The following MYO19 variants were observed in gnomAD, a reference collection of about 807,000 sequenced individuals.
MYO19 encodes the protein unconventional myosin-XIX.
A neutral mutation model predicts 129.2 loss-of-function variants in MYO19; 132 were observed. That is an observed-to-expected ratio of 1.02 (90% CI 0.89 to 1.18). The LOEUF (loss-of-function observed/expected upper bound fraction) is 1.18, where lower values mean the gene tolerates loss of function less well. Ranked by LOEUF, MYO19 falls within the 50% of genes most tolerant of loss-of-function variation. The pLI is 0.00. For synonymous variants in MYO19, 531 were observed against 477.2 expected, an observed-to-expected ratio of 1.11 and a Z score of -1.47; for missense variants, 1,210 against 1,216.7, an observed-to-expected ratio of 0.99 and a Z score of 0.08.
chr17:36,528,173 G>A lies in MYO19; in HGVS notation c.42C>T (p.Gly14=). ...QVNGHNPGSD[G]QAREYLREDL... is the part of the protein sequence containing the mutation. ...CTTCTCTGAGGTACTCCCTGGCTTG[G>A]CCATCAGACCCCGGATTGTGGCCAT... The change falls in exon 4 of 26, where the codon GGC becomes GGT. Residue 14 remains glycine (G), a synonymous_variant. Coordinates refer to ENST00000614623, the MANE Select transcript of MYO19 (RefSeq NM_001163735.2). 1 of 1,601,528 alleles carries A rather than the reference G, an allele frequency of 6.2e-7. No homozygotes were observed. The highest frequency in any genetic ancestry group is 8.5e-7 in the Non-Finnish European group (1 of 1,173,710).
intron 3 of MYO19, among the ~76,000 whole-genome samples, 195 bp downstream of exon 3, chr17:36,532,332 G>A (rs1214502412): frequency 6.6e-6 from 1 of 152,130 alleles, no homozygotes; most frequent in East Asian, 1.9e-4. Flanking sequence ...CCCAAAGAAA[G>A]GAGCTAAAAA....
chr17:36,512,404 A>AG lies in MYO19; in HGVS notation c.895-950_895-949insC, dbSNP rs1490349964. On this transcript the variant is annotated intron_variant, in intron 11 of 25. Coordinates refer to ENST00000614623, the MANE Select transcript of MYO19 (RefSeq NM_001163735.2). Reference sequence around the variant, plus strand: ...AACTCCATCTCAAAAAAAAAAAAAAAAAAGAAAAAACCACCACCCTCAGAC... The same window carrying AG: ...AACTCCATCTCAAAAAAAAAAAAAAAGAAAGAAAAAACCACCACCCTCAGAC... Among the ~76,000 whole-genome samples the AG allele has an allele frequency of 3.3e-5, 5 of 151,722 alleles. No individual in the cohort carries two copies. The East Asian group carries it at 7.7e-4, about 23-fold the overall frequency.
At chr17:36,512,991 C>G in intron 11 of MYO19, 1 of 784,958 alleles carries the variant, frequency 1.3e-6, no homozygotes, top group African/African-American at 1.8e-5. Flanking sequence ...GGTATCTGAC[C>G]TTGGGCACGT....
In MYO19 at chr17:36,516,221, G is replaced by A. The variant is rs554047878; in HGVS notation, c.415-231C>T. 2.0e-5 allele frequency among the ~76,000 whole-genome samples: 3 copies of A among 151,106 alleles called. No homozygotes were observed. The East Asian group carries it at 5.8e-4, about 29-fold the overall frequency. On this transcript the variant is annotated intron_variant, in intron 6 of 25. Coordinates refer to ENST00000614623, the MANE Select transcript of MYO19 (RefSeq NM_001163735.2). ...GCTCTGTGGCAGACACTGAGCTATC[G>A]AGGCTTTCTGTGTATGTTTTTTTTG...
chr17:36,537,885 T>C, upstream of MYO19: 1 of 1,614,170 alleles, frequency 6.2e-7, no homozygotes, highest in Non-Finnish European at 8.5e-7. Flanking sequence ...AAATAAGTCC[T>C]GGATTATTGC....
In MYO19 at chr17:36,496,068, G is replaced by A; in HGVS notation, c.*183C>T. On this transcript the variant is annotated 3_prime_UTR_variant, in exon 26 of 26. Transcript: ENST00000614623. ...CCTGACACCATCAGTGCTTGATGTA[G>A]CCTGGAACCCCAGGCCCACTGACGC... is the stretch of plus-strand genomic sequence containing the variant. 3.4e-6 allele frequency: 3 copies of A among 890,044 alleles called. No individual in the cohort carries two copies. The highest frequency in any genetic ancestry group is 5.0e-6 in the Non-Finnish European group (3 of 595,142). The allele number at this position is 890,044 out of a possible 1,614,324, so 55.1% of individuals were successfully genotyped here.
chr17:36,534,599 G>A (rs1254702503), intron 1 of MYO19, 162 bp downstream of exon 1: 3 of 152,376 alleles, frequency 2.0e-5, no homozygotes, highest in Non-Finnish European at 4.4e-5. Context: ...CCCCTCGTGA[G>A]ACACAAGAGG....
intron 14 of MYO19, chr17:36,508,661 C>T (rs571471702): frequency 2.9e-4 from 57 of 193,962 alleles, no homozygotes; most frequent in African/African-American, 1.3e-3. Flanking sequence ...CAACTCCTGG[C>T]CTCCAGTGAT....
At chr17:36,512,934 T>C in intron 11 of MYO19, 1 of 850,436 alleles carries the variant, frequency 1.2e-6, no homozygotes, top group Non-Finnish European at 1.6e-6. Context: ...ACAGAGAGGG[T>C]AGGAACTTGG....
rs748906836 is a variant in MYO19, at chr17:36,507,503, C to T, written c.1363G>A (p.Ala455Thr). Residue 455 changes from alanine (A) to threonine (T), a missense_variant, in exon 16 of 26, where the codon GCA becomes ACA. Ala to Thr is a moderately conservative substitution (Grantham distance 58). Transcript: ENST00000614623. ...AATGACCACTCCAGGCCCTCAACTG[C>T]GTATTCCTCCTAAAGAACAAGGTGG... is the stretch of plus-strand genomic sequence containing the variant. ...HYLRAQQEEY[A>T]VEGLEWSFIN... 9 of 1,613,278 alleles carry T rather than the reference C, an allele frequency of 5.6e-6. No homozygotes were observed. Among genetic ancestry groups the T allele is most frequent in the African/African-American group, 1.3e-5 (1 of 74,868 alleles).
intron 3 of MYO19, 31 bp from the exon 4 acceptor site, chr17:36,528,233 G>T (rs1567789600): frequency 1.3e-6 from 2 of 1,548,344 alleles, no homozygotes; most frequent in Non-Finnish European, 1.7e-6. Flanking sequence ...GTGAGGCCAG[G>T]CACAGTGGCT....
chr17:36,528,987 G>T (rs1567791079), intron 3 of MYO19, among the ~76,000 whole-genome samples: 1 of 152,094 alleles, frequency 6.6e-6, no homozygotes. Context: ...TTCTGAGAGA[G>T]GTAGCCCCAT....
intron 19 of MYO19, 73 bp from the exon 20 acceptor site, chr17:36,504,093 C>A: frequency 7.8e-7 from 1 of 1,288,510 alleles, no homozygotes; most frequent in Non-Finnish European, 1.0e-6. Flanking sequence ...TTCTCTCAGC[C>A]CTTCTTCTTA....
At chr17:36,529,646 A>G (rs2073706027) in intron 3 of MYO19, among the ~76,000 whole-genome samples, 1 of 152,154 alleles carries the variant, frequency 6.6e-6, no homozygotes. Flanking sequence ...CTTGGCCTCC[A>G]GAGTAACTGC....
chr17:36,539,889 ATT>A (rs142199109), upstream of MYO19, among the ~76,000 whole-genome samples: 10 of 143,570 alleles, frequency 7.0e-5, no homozygotes, highest in Non-Finnish European at 9.2e-5. Context: ...TTCCCCACAG[ATT>A]TTTTTTTTTT....
At chr17:36,501,499 G>A (rs1394588478) in intron 21 of MYO19, 2 of 363,152 alleles carry the variant, frequency 5.5e-6, no homozygotes, top group African/African-American at 2.1e-5. Flanking sequence ...CTACTGCCAT[G>A]AGTCCCTTTG....
intron 5 of MYO19, among the ~76,000 whole-genome samples, chr17:36,525,568 A>G (rs555841852): frequency 1.6e-4 from 25 of 152,314 alleles, no homozygotes; most frequent in African/African-American, 4.3e-4. Context: ...TGACCAGTTT[A>G]TGACATTAAC....
At chr17:36,512,235 A>G (rs2072392977) in intron 11 of MYO19, among the ~76,000 whole-genome samples, 2 of 148,638 alleles carry the variant, frequency 1.3e-5, no homozygotes, top group Admixed American at 1.3e-4. Flanking sequence ...ACACACACAC[A>G]CAAAATTAGC....
rs73276748 is a variant in MYO19, at chr17:36,496,056, G to A, written c.*195C>T. The stretch of plus-strand genomic sequence containing the variant: ...GTAACTACCAGCCCTGACACCATCA[G>A]TGCTTGATGTAGCCTGGAACCCCAG... On this transcript the variant is annotated 3_prime_UTR_variant, in exon 26 of 26. Transcript: ENST00000614623. The A allele has an allele frequency of 1.1e-3, 947 of 846,718 alleles. 11 individuals are homozygous for A. The African/African-American group carries it at 0.015, about 14-fold the overall frequency. 52.5% of individuals were successfully genotyped at this position (846,718 alleles called of 1,614,324 possible).
Sources: gnomAD v4.1 joint callset for allele counts (sites outside exome capture counted in the v4.1 genomes callset) on GRCh38, gnomAD v4.1.1 for gene constraint, MANE v1.5 for transcripts, NCBI Gene and HGNC (gene_info 2026-07-23, HGNC 2026-07-21) for gene names.